Variants in EPHA5 observed in about 807,000 individuals in gnomAD.
EPHA5 encodes EPH receptor A5.
Under a neutral mutation model 105.0 loss-of-function variants are expected in EPHA5, and 60 were observed. The observed-to-expected ratio is 0.57, with a 90% confidence interval of 0.46 to 0.71. The LOEUF (loss-of-function observed/expected upper bound fraction) is 0.71, where lower values mean the gene tolerates loss of function less well. EPHA5 is among the 30% of genes least tolerant of loss of function. The pLI is 0.00. For missense variants in EPHA5, 1,218 were observed against 1,274.7 expected, an observed-to-expected ratio of 0.96 and a Z score of 0.68; for synonymous variants, 513 against 449.1, an observed-to-expected ratio of 1.14 and a Z score of -1.80.
intron 5 of EPHA5, among the ~76,000 whole-genome samples, chr4:65,450,155 T>C (rs1310039727): frequency 2.0e-5 from 3 of 152,136 alleles, no homozygotes; most frequent in Non-Finnish European, 1.5e-5. Flanking sequence ...CTGAAACACA[T>C]ATGCAAACAG....
chr4:65,375,803 A>G (rs987848932), intron 8 of EPHA5, among the ~76,000 whole-genome samples: 39 of 151,830 alleles, frequency 2.6e-4, no homozygotes, highest in Non-Finnish European at 5.6e-4. Flanking sequence ...ACACACACAC[A>G]CACACACACA....
intron 2 of EPHA5, among the ~76,000 whole-genome samples, chr4:65,640,546 A>G (rs1342108775): frequency 6.6e-6 from 1 of 152,106 alleles, no homozygotes; most frequent in Admixed American, 6.5e-5. Context: ...TCGGCCTCCC[A>G]AAGTGCTGGG....
At chr4:65,642,542 G>A (rs1434061715) in intron 2 of EPHA5, among the ~76,000 whole-genome samples, 1 of 151,700 alleles carries the variant, frequency 6.6e-6, no homozygotes, top group East Asian at 1.9e-4. Context: ...CAACTAAAAA[G>A]AAATACCAAA....
rs540195415 is a variant in EPHA5 at position 65,361,461 on chromosome 4, C to T, written c.2173+3556G>A. Among the ~76,000 whole-genome samples, 50 of 151,652 alleles carry T rather than the reference C, an allele frequency of 3.3e-4. 1 individual carries two copies. The highest frequency in any genetic ancestry group is 9.9e-4 in the African/African-American group (41 of 41,452). On this transcript the variant is annotated intron_variant, in intron 11 of 16. Coordinates refer to ENST00000613740, the MANE Select transcript of EPHA5 (RefSeq NM_001281766.3). Reference sequence around the variant, plus strand: ...TTTGTTTGCTTGACTGCTGATGAAGCATGACAGGAAAGCAGTGATTTGAGG... The same window carrying T: ...TTTGTTTGCTTGACTGCTGATGAAGTATGACAGGAAAGCAGTGATTTGAGG...
intron 3 of EPHA5, among the ~76,000 whole-genome samples, chr4:65,566,914 T>G (rs1739596932): frequency 6.6e-6 from 1 of 151,666 alleles, no homozygotes; most frequent in Non-Finnish European, 1.5e-5. Flanking sequence ...AGGCTTGTTT[T>G]TGAGGGTAAA....
chr4:65,361,160 TC>T (rs2148878919), intron 11 of EPHA5, among the ~76,000 whole-genome samples: 1 of 151,768 alleles, frequency 6.6e-6, no homozygotes, highest in South Asian at 2.1e-4. Context: ...TGGGAAGTTT[TC>T]CTTTACTCAG....
At chr4:65,576,822 A>G (rs2149389861) in intron 3 of EPHA5, among the ~76,000 whole-genome samples, 1 of 152,318 alleles carries the variant, frequency 6.6e-6, no homozygotes, top group Non-Finnish European at 1.5e-5. Flanking sequence ...TGAAAAGTTC[A>G]ACAAGTTAGG....
chr4:65,445,515 A>G (rs1333436522), intron 5 of EPHA5, among the ~76,000 whole-genome samples: 2 of 152,116 alleles, frequency 1.3e-5, no homozygotes, highest in Non-Finnish European at 2.9e-5. Context: ...GAAGATGCCA[A>G]CAGGACTGTG....
Position 65,560,186 on chromosome 4 carries a change from G to A in EPHA5, c.910+41455C>T, listed in dbSNP as rs1738864056. 2.0e-5 allele frequency among the ~76,000 whole-genome samples: 3 copies of A among 152,026 alleles called. No homozygotes were observed. The South Asian group carries it at 6.2e-4, about 32-fold the overall frequency. On this transcript the variant is annotated intron_variant, in intron 3 of 16. Transcript: ENST00000613740. ...CAGCAATTACTCCCCAACACTTTCA[G>A]GAGATGAAAAATGATAATTTGACAA...
intron 11 of EPHA5, among the ~76,000 whole-genome samples, chr4:65,364,048 C>T (rs1717607826): frequency 6.6e-6 from 1 of 151,492 alleles, no homozygotes; most frequent in African/African-American, 2.4e-5. Context: ...CTCAGGATTG[C>T]CTTCTTGCTC....
intron 3 of EPHA5, among the ~76,000 whole-genome samples, chr4:65,590,482 A>G (rs955458906): frequency 3.9e-5 from 6 of 152,152 alleles, no homozygotes; most frequent in Non-Finnish European, 8.8e-5. Context: ...TGTTATTGCG[A>G]ATTATACACT....
Position 65,625,035 on chromosome 4 carries a change from C to T in EPHA5, c.246+18328G>A, listed in dbSNP as rs561796278. Among the ~76,000 whole-genome samples the T allele has an allele frequency of 5.3e-5, 8 of 152,186 alleles. No individual in the cohort carries two copies. The East Asian group carries it at 1.2e-3, about 22-fold the overall frequency. Reference sequence around the variant, plus strand: ...TCATTGGCATAGATAAAATGAACACCTCAGATTTCAGTGTTTACTACACAA... The same window carrying T: ...TCATTGGCATAGATAAAATGAACACTTCAGATTTCAGTGTTTACTACACAA... On this transcript the variant is annotated intron_variant, in intron 2 of 16. Coordinates refer to ENST00000613740, the MANE Select transcript of EPHA5 (RefSeq NM_001281766.3).
chr4:65,400,329 A>T (rs1009333514), intron 8 of EPHA5, among the ~76,000 whole-genome samples: 18 of 152,198 alleles, frequency 1.2e-4, no homozygotes, highest in African/African-American at 4.3e-4. Context: ...TGATTAGCTC[A>T]TAGTTTGTGG....
At chr4:65,403,018 C>A (rs1343192969) in intron 8 of EPHA5, among the ~76,000 whole-genome samples, 4 of 151,862 alleles carry the variant, frequency 2.6e-5, no homozygotes, top group Middle Eastern at 6.8e-3. Context: ...ACAAACTGTC[C>A]CCTAGGCTAG....
At chr4:65,504,365 A>AATATATAT (rs149200564) in intron 3 of EPHA5, among the ~76,000 whole-genome samples, 2 of 147,238 alleles carry the variant, frequency 1.4e-5, no homozygotes, top group Admixed American at 1.4e-4. Flanking sequence ...TATATTGAAA[A>AATATATAT]ATATATATAT....
chr4:65,559,014 A>C (rs908115183), intron 3 of EPHA5, among the ~76,000 whole-genome samples: 22 of 152,164 alleles, frequency 1.4e-4, no homozygotes, highest in African/African-American at 4.3e-4. Flanking sequence ...CAACATATCC[A>C]TGTAACAAAC....
rs77403921 is a variant in EPHA5, at chr4:65,546,919, C to T, written c.911-51376G>A. On this transcript the variant is annotated intron_variant, in intron 3 of 16. Coordinates refer to ENST00000613740, the MANE Select transcript of EPHA5 (RefSeq NM_001281766.3). Reference sequence around the variant, plus strand: ...ATTTCCAGCCCAACTTGAAAAGACACATGTACGCGTAATACATTCATTGAA... The same window carrying T: ...ATTTCCAGCCCAACTTGAAAAGACATATGTACGCGTAATACATTCATTGAA... Among the ~76,000 whole-genome samples, 17 of 152,060 alleles carry T rather than the reference C, an allele frequency of 1.1e-4. No homozygotes were observed. The East Asian group carries it at 3.3e-3, about 29-fold the overall frequency.
At chr4:65,628,821 C>T (rs1267361938) in intron 2 of EPHA5, among the ~76,000 whole-genome samples, 1 of 152,112 alleles carries the variant, frequency 6.6e-6, no homozygotes. Context: ...TGGCTTATCG[C>T]ACATTCGCAT....
At chr4:65,413,623 A>C (rs899764457) in intron 7 of EPHA5, among the ~76,000 whole-genome samples, 4 of 152,132 alleles carry the variant, frequency 2.6e-5, no homozygotes, top group African/African-American at 7.2e-5. Flanking sequence ...ATTTCACAAT[A>C]CTGTGTATTT....
Sources: gnomAD v4.1 joint callset for allele counts (sites outside exome capture counted in the v4.1 genomes callset) on GRCh38, gnomAD v4.1.1 for gene constraint, MANE v1.5 for transcripts, NCBI Gene and HGNC (gene_info 2026-07-23, HGNC 2026-07-21) for gene names.